Variants in SFI1 observed in about 807,000 individuals in gnomAD.
The protein encoded by SFI1 is protein SFI1 homolog.
In SFI1, 195 loss-of-function variants were observed where a neutral mutation model predicts 207.5. The ratio of observed to expected loss-of-function variants is 0.94; its 90% CI spans 0.84 to 1.06. The LOEUF is 1.06. Ranked by LOEUF, SFI1 falls within the 50% of genes least tolerant of loss-of-function variation. The pLI, the probability that SFI1 is intolerant of heterozygous loss-of-function variation, is 0.00. For synonymous variants in SFI1, 630 were observed against 598.9 expected, an observed-to-expected ratio of 1.05 and a Z score of -0.76; for missense variants, 1,634 against 1,588.0, an observed-to-expected ratio of 1.03 and a Z score of -0.49.
chr22:31,582,972 A>G (rs1012544576), intron 12 of SFI1, among the ~76,000 whole-genome samples: 1 of 152,138 alleles, frequency 6.6e-6, no homozygotes, highest in Non-Finnish European at 1.5e-5. Context: ...CATCCAGGCT[A>G]GAGTGCAATG....
intron 2 of SFI1, among the ~76,000 whole-genome samples, chr22:31,522,338 G>T (rs1569206435): frequency 6.6e-6 from 1 of 152,156 alleles, no homozygotes; most frequent in Non-Finnish European, 1.5e-5. Context: ...GATTACATGC[G>T]TGAGCCACCA....
intron 4 of SFI1, among the ~76,000 whole-genome samples, chr22:31,538,907 C>T (rs2059235447): frequency 1.3e-5 from 2 of 152,116 alleles, no homozygotes; most frequent in African/African-American, 4.8e-5. Context: ...CCAGCCAAGA[C>T]CTCTGCCTTG....
chr22:31,602,131 C>T, intron 15 of SFI1, 81 bp from the exon 16 acceptor site: 3 of 1,236,770 alleles, frequency 2.4e-6, no homozygotes, highest in African/African-American at 1.5e-5. Flanking sequence ...AGGAAAAATC[C>T]AATTATTTGG....
chr22:31,566,493 C>T (rs1181729696), intron 8 of SFI1, among the ~76,000 whole-genome samples: 6 of 152,172 alleles, frequency 3.9e-5, no homozygotes, highest in Admixed American at 6.5e-5. Flanking sequence ...GGTTTAGTTA[C>T]GATTTGATGA....
chr22:31,529,729 C>T (rs572951732), intron 3 of SFI1, among the ~76,000 whole-genome samples: 5 of 152,052 alleles, frequency 3.3e-5, no homozygotes, highest in East Asian at 1.9e-4. Context: ...GCAAATACGG[C>T]GAGAACAGCC....
At position 31,602,280 on chromosome 22, in the gene SFI1, T is replaced by C. The variant is rs369248824; in HGVS notation, c.1613T>C (p.Leu538Pro). 5.6e-6 allele frequency: 9 copies of C among 1,614,048 alleles called. No homozygotes were observed. In the African/African-American group the frequency reaches 1.2e-4, roughly 22 times the overall value. The change falls in exon 16 of 33, where the codon CTG (leucine) becomes CCG (proline). Residue 538 changes from leucine (L) to proline (P), a missense_variant. By Grantham distance (98) the Leu-to-Pro change is moderately conservative (BLOSUM62 -3). Transcript: ENST00000400288. ...QKMFQHRENR[L>P]AERMAILHAE... ...ATGTTTCAGCATCGAGAAAACCGCC[T>C]GGCAGAGAGAATGGTAAATGGCTGT...
At chr22:31,541,458 A>G (rs1169910169) in intron 4 of SFI1, among the ~76,000 whole-genome samples, 32 of 152,108 alleles carry the variant, frequency 2.1e-4, no homozygotes, top group Admixed American at 2.1e-3. Context: ...TTTTTATTAC[A>G]ATTTTTTAGA....
chr22:31,575,519 C>G (rs2063388740), intron 10 of SFI1, 127 bp downstream of exon 10: 4 of 964,902 alleles, frequency 4.1e-6, no homozygotes, highest in Non-Finnish European at 5.8e-6. Context: ...AGCCTTATCT[C>G]TGTTGACAGT....
intron 22 of SFI1, among the ~76,000 whole-genome samples, chr22:31,608,418 C>T (rs80091436): frequency 0.015 from 2,248 of 152,244 alleles, 56 homozygotes; most frequent in African/African-American, 0.05. Context: ...CTGGTCATAT[C>T]GGATGAAGGG....
chr22:31,572,803 T>C (rs2063089763), intron 8 of SFI1: 1 of 304,396 alleles, frequency 3.3e-6, no homozygotes, highest in Admixed American at 4.4e-5. Flanking sequence ...GCACCAGCCA[T>C]CTGCTTTCTG....
intron 15 of SFI1, among the ~76,000 whole-genome samples, chr22:31,600,127 A>G (rs960356394): frequency 6.6e-6 from 1 of 152,160 alleles, no homozygotes; most frequent in Non-Finnish European, 1.5e-5. Context: ...AGTTCAAGCA[A>G]TCCTCCTGCC....
intron 10 of SFI1, 149 bp from the exon 11 acceptor site, chr22:31,578,232 TG>T: frequency 1.9e-6 from 1 of 517,308 alleles, no homozygotes; most frequent in Non-Finnish European, 3.2e-6. Flanking sequence ...ACTGCTTCCC[TG>T]GGTCATCAGG....
At chr22:31,530,262 G>A (rs1463136210) in intron 3 of SFI1, among the ~76,000 whole-genome samples, 7 of 147,010 alleles carry the variant, frequency 4.8e-5, no homozygotes, top group Non-Finnish European at 1.0e-4. Flanking sequence ...AGGCCGAGGC[G>A]GGTGGATCAT....
intron 2 of SFI1, among the ~76,000 whole-genome samples, chr22:31,527,344 A>G (rs546863592): frequency 6.6e-6 from 1 of 152,322 alleles, no homozygotes; most frequent in Non-Finnish European, 1.5e-5. Context: ...TCATTTTAGC[A>G]TATACAGCTG....
chr22:31,594,443 G>A (rs538248840), intron 15 of SFI1, among the ~76,000 whole-genome samples: 11 of 151,814 alleles, frequency 7.2e-5, no homozygotes, highest in Admixed American at 7.2e-4. Context: ...AGCTACTCGG[G>A]AGGCTGAGGC....
At chr22:31,548,632 G>T (rs1456302105) in intron 5 of SFI1, among the ~76,000 whole-genome samples, 2 of 148,348 alleles carry the variant, frequency 1.3e-5, no homozygotes, top group African/African-American at 5.0e-5. Context: ...AACAAAGCAA[G>T]ACTCCGTCTC....
In SFI1 at chr22:31,613,593, G is replaced by C; in HGVS notation, c.2743-9G>C. ...GTGTGGCATGAGCTGACCAGAGGCT[G>C]TGTTGTAGGCGGCTCACAGTCTCCA... On this transcript the variant is annotated splice_polypyrimidine_tract_variant and intron_variant, in intron 26 of 32. Coordinates refer to ENST00000400288, the MANE Select transcript of SFI1 (RefSeq NM_001007467.3). 1 of 1,578,794 alleles carries C rather than the reference G, an allele frequency of 6.3e-7. No homozygotes were observed. Among genetic ancestry groups the C allele is most frequent in the Non-Finnish European group, 8.6e-7 (1 of 1,160,108 alleles).
Position 31,618,483 on chromosome 22 carries a change from G to T in SFI1, c.*65G>T. On this transcript the variant is annotated 3_prime_UTR_variant, in exon 33 of 33. Transcript: ENST00000400288. ...AGGCCTCAGGCCACCTCCAGGAACA[G>T]AACACAGTTTTAAGTTTGATTTTTT... The T allele has an allele frequency of 1.4e-6, 2 of 1,393,714 alleles. No individual in the cohort carries two copies. Among genetic ancestry groups the T allele is most frequent in the East Asian group, 2.6e-5 (1 of 38,758 alleles). 86.3% of individuals were successfully genotyped at this position (1,393,714 alleles called of 1,614,324 possible). A position where few individuals can be genotyped will look rare whatever the true frequency, so the allele number is the denominator to read the frequency against.
intron 22 of SFI1, among the ~76,000 whole-genome samples, chr22:31,609,018 G>C (rs2069579782): frequency 6.6e-6 from 1 of 151,744 alleles, no homozygotes; most frequent in South Asian, 2.1e-4. Context: ...TCTTTTTTGA[G>C]ACAGAGTCTC....
Sources: gnomAD v4.1 joint callset for allele counts (sites outside exome capture counted in the v4.1 genomes callset) on GRCh38, gnomAD v4.1.1 for gene constraint, MANE v1.5 for transcripts, NCBI Gene and HGNC (gene_info 2026-07-23, HGNC 2026-07-21) for gene names.